Variants in GPHN observed in about 807,000 individuals in gnomAD.
GPHN encodes the protein gephyrin.
A neutral mutation model predicts 95.5 loss-of-function variants in GPHN; 17 were observed. The observed-to-expected ratio is 0.18, with a 90% CI of 0.12 to 0.27. The LOEUF is 0.27. GPHN is among the 10% of genes least tolerant of loss of function. The pLI is 1.00. For synonymous variants in GPHN, 320 were observed against 322.5 expected (o/e 0.99, Z 0.08); for missense variants, 660 against 978.1 (o/e 0.67, Z 4.34).
chr14:66,888,317 A>G (rs1316632786), intron 5 of GPHN, among the ~76,000 whole-genome samples: 1 of 152,160 alleles, frequency 6.6e-6, no homozygotes, highest in African/African-American at 2.4e-5. Context: ...TCCAGAGGGG[A>G]AAAAAACTCC....
At chr14:66,540,983 T>C (rs1362294828) in intron 1 of GPHN, among the ~76,000 whole-genome samples, 1 of 151,878 alleles carries the variant, frequency 6.6e-6, no homozygotes, top group East Asian at 1.9e-4. Context: ...AGTCTCCCAC[T>C]GTCACCCAGG....
intron 19 of GPHN, 69 bp from the exon 20 acceptor site, chr14:67,165,093 A>C: frequency 8.7e-6 from 9 of 1,033,994 alleles, no homozygotes; most frequent in Non-Finnish European, 1.4e-5. Flanking sequence ...TTACAAAAAC[A>C]CTGGAGTACT....
the GPHN span, among the ~76,000 whole-genome samples, chr14:67,245,991 ATTTG>A: frequency 6.6e-6 from 1 of 152,138 alleles, no homozygotes; most frequent in South Asian, 2.1e-4. Context: ...TTCCATGACC[ATTTG>A]TTTAAAACAT....
chr14:66,508,926 T>G (rs936934264), intron 1 of GPHN: 2 of 377,922 alleles, frequency 5.3e-6, no homozygotes, highest in Admixed American at 3.8e-5. Flanking sequence ...GGATCCCGGC[T>G]CCGCAGTCTG....
At chr14:66,511,239 T>C (rs2058029936) in intron 1 of GPHN, among the ~76,000 whole-genome samples, 1 of 152,144 alleles carries the variant, frequency 6.6e-6, no homozygotes, top group Non-Finnish European at 1.5e-5. Flanking sequence ...CTGTACAATT[T>C]TGTGTATTCT....
chr14:67,643,813 T>C, the GPHN span, among the ~76,000 whole-genome samples: 4 of 148,990 alleles, frequency 2.7e-5, no homozygotes, highest in East Asian at 2.0e-4. Context: ...ATGAAATCTT[T>C]GTTACATCTG....
chr14:67,098,037 T>C (rs1292613806), intron 12 of GPHN, among the ~76,000 whole-genome samples: 1 of 152,172 alleles, frequency 6.6e-6, no homozygotes, highest in African/African-American at 2.4e-5. Context: ...TCTCCATTTG[T>C]CATCCAGAGT....
At chr14:67,197,342 C>T in the GPHN span, 2 of 152,166 alleles carry the variant, frequency 1.3e-5, no homozygotes, top group African/African-American at 2.4e-5. Flanking sequence ...AGGACTGTGG[C>T]TCGGCCTGAG....
chr14:67,030,353 T>A (rs1449073159), intron 10 of GPHN, among the ~76,000 whole-genome samples: 1 of 152,210 alleles, frequency 6.6e-6, no homozygotes, highest in Non-Finnish European at 1.5e-5. Flanking sequence ...AGCATTTTTA[T>A]CATTCTAAAA....
chr14:67,281,108 A>G, the GPHN span, among the ~76,000 whole-genome samples: 3 of 151,950 alleles, frequency 2.0e-5, no homozygotes, highest in African/African-American at 7.3e-5. Context: ...CATGTTGGTC[A>G]GGCTGGTCTT....
At chr14:66,770,608 C>G (rs1409824182) in intron 2 of GPHN, among the ~76,000 whole-genome samples, 1 of 152,066 alleles carries the variant, frequency 6.6e-6, no homozygotes, top group Non-Finnish European at 1.5e-5. Flanking sequence ...TTAGTAGTAA[C>G]TAAAATGTGC....
chr14:67,612,628 C>T, the GPHN span, among the ~76,000 whole-genome samples: 1 of 152,122 alleles, frequency 6.6e-6, no homozygotes, highest in South Asian at 2.1e-4. Flanking sequence ...AATGAGCTTT[C>T]ACAGCTGTTT....
At chr14:66,996,959 A>AATCTTGT (rs2071849428) in intron 9 of GPHN, among the ~76,000 whole-genome samples, 1 of 152,172 alleles carries the variant, frequency 6.6e-6, no homozygotes, top group African/African-American at 2.4e-5. Flanking sequence ...AAGCAGATTT[A>AATCTTGT]TTGAAATATT....
chr14:66,933,589 T>TA (rs1208824189), intron 8 of GPHN, among the ~76,000 whole-genome samples: 1 of 151,968 alleles, frequency 6.6e-6, no homozygotes, highest in Non-Finnish European at 1.5e-5. Flanking sequence ...TATAAGCCCT[T>TA]ACCTCACCAC....
At chr14:67,473,232 T>TCCCCCAACACCTGACCACGGC in the GPHN span, 1 of 726,912 alleles carries the variant, frequency 1.4e-6, no homozygotes, top group Non-Finnish European at 2.2e-6. The surrounding 1 kb of genome is among the most constrained non-coding windows in gnomAD (Gnocchi z 6.5). Flanking sequence ...CCACACCCCA[T>TCCCCCAACACCTGACCACGGC]CCCCCAACAC....
intron 1 of GPHN, among the ~76,000 whole-genome samples, chr14:66,567,136 A>G (rs758187300): frequency 3.3e-5 from 5 of 152,290 alleles, no homozygotes. Context: ...GTCCCCAGAT[A>G]AAGGATGAAT....
At position 67,040,228 on chromosome 14, in the gene GPHN, A is replaced by G. The variant is rs571875106; in HGVS notation, c.1006+16553A>G. 2.0e-4 allele frequency among the ~76,000 whole-genome samples: 30 copies of G among 152,296 alleles called. No individual in the cohort carries two copies. In the South Asian group the frequency reaches 6.0e-3, roughly 30 times the overall value. On this transcript the variant is annotated intron_variant, in intron 10 of 22. Coordinates refer to ENST00000478722, the MANE Select transcript of GPHN (RefSeq NM_020806.5). Reference sequence around the variant, plus strand: ...CAAGAATAGTATAGAGAATTCCTGTATATCTTTCATCCAGACTCCCCCAAA... The same window carrying G: ...CAAGAATAGTATAGAGAATTCCTGTGTATCTTTCATCCAGACTCCCCCAAA...
At chr14:66,557,831 G>C (rs986065335) in intron 1 of GPHN, among the ~76,000 whole-genome samples, 3 of 152,100 alleles carry the variant, frequency 2.0e-5, no homozygotes, top group Admixed American at 2.0e-4. Flanking sequence ...TTTCTTAAAA[G>C]TTATTTATTA....
intron 18 of GPHN, among the ~76,000 whole-genome samples, chr14:67,148,557 G>GTT (rs1297273978): frequency 1.6e-5 from 2 of 124,786 alleles, no homozygotes; most frequent in African/African-American, 3.6e-5. Context: ...GACTTTATTT[G>GTT]CTTTTTTTTT....
Sources: allele counts gnomAD v4.1 joint callset (sites outside exome capture counted in the v4.1 genomes callset), GRCh38; gene constraint gnomAD v4.1.1; non-coding constraint Gnocchi (gnomAD v3.1); transcripts MANE v1.5; gene names NCBI Gene and HGNC (gene_info 2026-07-23, HGNC 2026-07-21).